ARR3: variants seen among roughly 807,000 people sequenced by gnomAD.
ARR3 encodes arrestin 3, also known as arrestin-C.
In ARR3, 14 loss-of-function variants were observed where a neutral mutation model predicts 35.4. That is an observed-to-expected ratio of 0.40 (90% CI 0.26 to 0.62). The LOEUF is 0.62. Ranked by LOEUF, ARR3 falls within the 20% of genes least tolerant of loss-of-function variation. ARR3 has a pLI of 0.46. For synonymous variants in ARR3, 97 were observed against 119.1 expected, an observed-to-expected ratio of 0.81 and a Z score of 1.21; for missense variants, 259 against 303.8, an observed-to-expected ratio of 0.85 and a Z score of 1.10.
At chrX:70,278,677 A>C in intron 12 of ARR3, 36 bp downstream of exon 12, 9 of 1,181,696 alleles carry the variant, frequency 7.6e-6, no homozygotes, top group Non-Finnish European at 9.1e-6. Context: ...TCCATTTCCT[A>C]CCCCTCAACC....
In ARR3 at chrX:70,278,083, G is replaced by C; in HGVS notation, c.712G>C (p.Val238Leu). 1 of 1,210,308 alleles carries C rather than the reference G, an allele frequency of 8.3e-7. No individual in the cohort carries two copies. The highest frequency in any genetic ancestry group is 3.0e-5 in the East Asian group (1 of 33,825). Residue 238 changes from valine to leucine, a missense_variant, in exon 11 of 17, where the codon GTT becomes CTT. Val to Leu is a conservative substitution (Grantham distance 32, BLOSUM62 1). Coordinates refer to ENST00000307959, the MANE Select transcript of ARR3 (RefSeq NM_004312.3). ...IKISVDQITD[V>L]VLYSLDKYTK... is the part of the protein sequence containing the mutation. ...TTGTTCAGTTGACCAGATCACAGAT[G>C]TTGTCCTGTATTCACTAGACAAGTA...
intron 13 of ARR3, 90 bp downstream of exon 13, chrX:70,280,368 C>A: frequency 9.9e-7 from 1 of 1,009,651 alleles, no homozygotes; most frequent in Non-Finnish European, 1.4e-6. Flanking sequence ...TTGACCCAAT[C>A]AAACCATTCC....
rs377488092 is a variant in ARR3, at chrX:70,276,694, A to T, written c.431A>T (p.Lys144Met). 1.7e-6 allele frequency: 2 copies of T among 1,210,080 alleles called. No homozygotes were observed. Among genetic ancestry groups the T allele is most frequent in the African/African-American group, 3.5e-5 (2 of 57,213 alleles). Residue 144 changes from lysine (K) to methionine (M), a missense_variant, in exon 8 of 17, where the codon AAG (lysine) becomes ATG (methionine). Coordinates refer to ENST00000307959, the MANE Select transcript of ARR3 (RefSeq NM_004312.3). The part of the protein sequence containing the change: ...GKPCGIDFEV[K>M]SFCAENPEET... ...CCCTGTGGGATTGACTTTGAAGTGAAGAGTTTCTGTGCTGAAAACCCAGAG... is the reference window on the plus strand; with the variant it reads ...CCCTGTGGGATTGACTTTGAAGTGATGAGTTTCTGTGCTGAAAACCCAGAG...
chrX:70,278,374 G>A (rs955771726), intron 11 of ARR3, 130 bp from the exon 12 acceptor site: 2 of 874,812 alleles, frequency 2.3e-6, no homozygotes, highest in South Asian at 5.2e-5. Flanking sequence ...CCAGTCTTCA[G>A]TTAAACATGT....
downstream of ARR3, chrX:70,281,851 T>G: frequency 2.5e-6 from 2 of 790,535 alleles, no homozygotes; most frequent in Non-Finnish European, 3.6e-6. Context: ...CCTAGCGATC[T>G]CTTGCCTATT....
At chrX:70,273,813 A>G (rs1050920800) in intron 5 of ARR3, among the ~76,000 whole-genome samples, 1 of 112,012 alleles carries the variant, frequency 8.9e-6, no homozygotes, top group African/African-American at 3.2e-5. Context: ...ATTCAAGTCC[A>G]GGTATTCTGA....
At position 70,269,703 on chromosome X, in the gene ARR3, C is replaced by T. The variant is rs200409414; in HGVS notation, c.39+11C>T. 6 of 1,202,649 alleles carry T rather than the reference C, an allele frequency of 5.0e-6. No individual in the cohort carries two copies. The highest frequency in any genetic ancestry group is 6.7e-6 in the Non-Finnish European group (6 of 890,993). Reference sequence around the variant, plus strand: ...AGCTCCAATGGGAAGGTGAGAGAACCTGGCCCAGCTGGGCAAATGAGAGGG... The same window carrying T: ...AGCTCCAATGGGAAGGTGAGAGAACTTGGCCCAGCTGGGCAAATGAGAGGG... On this transcript the variant is annotated intron_variant, in intron 3 of 16. Transcript: ENST00000307959.
At chrX:70,278,400 C>A in intron 11 of ARR3, 104 bp from the exon 12 acceptor site, 2 of 991,154 alleles carry the variant, frequency 2.0e-6, no homozygotes, top group East Asian at 3.1e-5. Context: ...CTCTTGGATA[C>A]TCCAGTAGGT....
Position 70,269,889 on chromosome X carries a change from C to T in ARR3, c.86C>T (p.Thr29Met), listed in dbSNP as rs780733870. The T allele has an allele frequency of 4.9e-5, 59 of 1,206,463 alleles. No individual in the cohort carries two copies. Among genetic ancestry groups the T allele is most frequent in the Middle Eastern group, 2.3e-4 (1 of 4,364 alleles). ...GKRDFVDHVD[T>M]VEPIDGVVLV... Reference sequence around the variant, plus strand: ...CGGGACTTCGTGGACCATGTGGACACGGTGGAACCCATTGGTCAGTGAGTC... The same window carrying T: ...CGGGACTTCGTGGACCATGTGGACATGGTGGAACCCATTGGTCAGTGAGTC... The change falls in exon 4 of 17, where the codon ACG (threonine) becomes ATG (methionine). Residue 29 changes from threonine (T) to methionine (M), a missense_variant. Physicochemically the swap from Thr to Met is moderately conservative, Grantham distance 81. Coordinates refer to ENST00000307959, the MANE Select transcript of ARR3 (RefSeq NM_004312.3).
chrX:70,276,331 G>A, intron 6 of ARR3, 50 bp downstream of exon 6: 9 of 1,195,392 alleles, frequency 7.5e-6, no homozygotes, highest in Non-Finnish European at 1.0e-5. Context: ...AAGATTAAGA[G>A]AGGAAGCTCA....
chrX:70,281,004 G>GGT, intron 15 of ARR3, 95 bp from the exon 16 acceptor site: 2 of 901,676 alleles, frequency 2.2e-6, no homozygotes, highest in Non-Finnish European at 3.0e-6. Context: ...TGGGAAGTTG[G>GGT]GGGGGGGGGA....
intron 12 of ARR3, among the ~76,000 whole-genome samples, chrX:70,279,610 C>T (rs765855933): frequency 2.7e-5 from 3 of 112,408 alleles, no homozygotes; most frequent in African/African-American, 9.7e-5. Flanking sequence ...AGATGAGGAA[C>T]GAAGAGAGAT....
intron 13 of ARR3, 107 bp downstream of exon 13, chrX:70,280,385 T>C: frequency 1.0e-6 from 1 of 986,887 alleles, no homozygotes; most frequent in Non-Finnish European, 1.4e-6. Context: ...TTCCCCACCC[T>C]TTCTCCCAGA....
chrX:70,275,461 G>A (rs2085647953), intron 5 of ARR3, among the ~76,000 whole-genome samples: 1 of 111,048 alleles, frequency 9.0e-6, no homozygotes, highest in African/African-American at 3.3e-5. Context: ...TTGTTGATGT[G>A]TGGGAGTCCT....
chrX:70,274,118 T>C (rs1004917907), intron 5 of ARR3, among the ~76,000 whole-genome samples: 8 of 110,787 alleles, frequency 7.2e-5, no homozygotes, highest in Non-Finnish European at 5.7e-5. Context: ...AACTTTGATA[T>C]TGTCCTACAT....
chrX:70,273,726 G>C (rs1243315391), intron 5 of ARR3, among the ~76,000 whole-genome samples: 2 of 111,623 alleles, frequency 1.8e-5, no homozygotes, highest in Middle Eastern at 4.6e-3. Context: ...GGCATATGTA[G>C]GGTTACTAGA....
At position 70,278,609 on chromosome X, in the gene ARR3, G is replaced by A; in HGVS notation, c.873G>A (p.Lys291=). The stretch of plus-strand genomic sequence containing the variant: ...GCCTGGCACTGGATGGCAAACTTAA[G>A]CATGAAGATACCAACCTGGCCTCTA... ...KRGLALDGKL[K]HEDTNLASST... Residue 291 remains lysine (K), a synonymous_variant, in exon 12 of 17, where the codon AAG becomes AAA. Coordinates refer to ENST00000307959, the MANE Select transcript of ARR3 (RefSeq NM_004312.3). 8.3e-7 allele frequency: 1 copy of A among 1,211,674 alleles called. No individual in the cohort carries two copies. Among genetic ancestry groups the A allele is most frequent in the Non-Finnish European group, 1.1e-6 (1 of 895,418 alleles).
rs769533690 is a variant in ARR3, at chrX:70,275,954, G to A, written c.146-128G>A. The A allele has an allele frequency of 2.3e-5, 17 of 725,341 alleles. No individual in the cohort carries two copies. In the African/African-American group the frequency reaches 2.8e-4, roughly 12 times the overall value. 59.8% of individuals were successfully genotyped at this position (725,341 alleles called of 1,213,427 possible). On this transcript the variant is annotated intron_variant, in intron 5 of 16. Transcript: ENST00000307959. Reference sequence around the variant, plus strand: ...GGCCTCCCAAAGTGCTGGGATTACAGGCGTGAGCCACCGCGCCCAGCCAGC... The same window carrying A: ...GGCCTCCCAAAGTGCTGGGATTACAAGCGTGAGCCACCGCGCCCAGCCAGC...
intron 16 of ARR3, 48 bp downstream of exon 16, chrX:70,281,156 C>T: frequency 8.4e-7 from 1 of 1,196,816 alleles, no homozygotes; most frequent in Non-Finnish European, 1.1e-6. Flanking sequence ...TTCCCATTTC[C>T]ACCCTCCATG....
Sources: allele counts gnomAD v4.1 joint callset (sites outside exome capture counted in the v4.1 genomes callset), GRCh38; gene constraint gnomAD v4.1.1; transcripts MANE v1.5; gene names NCBI Gene and HGNC (gene_info 2026-07-23, HGNC 2026-07-21).